Variants in CSMD1 observed in about 807,000 individuals in gnomAD.
The protein encoded by CSMD1 is CUB and sushi domain-containing protein 1.
In CSMD1, 213 loss-of-function variants were observed where a neutral mutation model predicts 417.5. The ratio of observed to expected loss-of-function variants is 0.51; its 90% confidence interval spans 0.46 to 0.57. The LOEUF is 0.57. CSMD1 is among the 20% of genes least tolerant of loss of function. CSMD1 has a pLI of 0.00. For missense variants in CSMD1, 6,923 were observed against 4,529.7 expected, an observed-to-expected ratio of 1.53 and a Z score of -15.17; for synonymous variants, 2,862 against 1,736.8, an observed-to-expected ratio of 1.65 and a Z score of -16.11.
At chr8:3,094,071 T>C (rs879363688) in intron 47 of CSMD1, among the ~76,000 whole-genome samples, 2 of 145,786 alleles carry the variant, frequency 1.4e-5, no homozygotes, top group Non-Finnish European at 3.0e-5. Context: ...AACTCAAGAG[T>C]AGAGTTTTAG....
chr8:4,305,031 G>T (rs979398003), intron 3 of CSMD1, among the ~76,000 whole-genome samples: 2 of 152,224 alleles, frequency 1.3e-5, no homozygotes, highest in African/African-American at 4.8e-5. Flanking sequence ...AGTTCCCCAC[G>T]TTAGAGTCCC....
intron 10 of CSMD1, among the ~76,000 whole-genome samples, chr8:3,494,166 T>A (rs1585249144): frequency 1.3e-5 from 2 of 152,240 alleles, no homozygotes; most frequent in East Asian, 3.9e-4. Context: ...TTATCCATAT[T>A]AGCACCCCAA....
chr8:4,551,386 C>T (rs530071472), intron 2 of CSMD1, among the ~76,000 whole-genome samples: 1 of 152,304 alleles, frequency 6.6e-6, no homozygotes, highest in Non-Finnish European at 1.5e-5. Flanking sequence ...CTTAATTCTC[C>T]TCCCCACCAA....
intron 6 of CSMD1, among the ~76,000 whole-genome samples, chr8:3,742,882 G>A (rs139918044): frequency 2.6e-5 from 4 of 152,354 alleles, no homozygotes; most frequent in African/African-American, 9.6e-5. Flanking sequence ...TGTTATGACT[G>A]CAATGGATAA....
intron 3 of CSMD1, among the ~76,000 whole-genome samples, chr8:4,088,914 C>T (rs1162092766): frequency 1.3e-5 from 2 of 152,086 alleles, no homozygotes; most frequent in Non-Finnish European, 1.5e-5. Context: ...TTATATTCAG[C>T]GAAAAAGCAC....
intron 1 of CSMD1, among the ~76,000 whole-genome samples, chr8:4,972,015 TGAA>T (rs1011567019): frequency 3.7e-4 from 57 of 152,134 alleles, no homozygotes; most frequent in African/African-American, 1.3e-3. Context: ...AGCCAACAAT[TGAA>T]GAAAGTCTTA....
At chr8:4,930,029 A>G (rs1415426883) in intron 1 of CSMD1, among the ~76,000 whole-genome samples, 1 of 152,200 alleles carries the variant, frequency 6.6e-6, no homozygotes, top group African/African-American at 2.4e-5. Flanking sequence ...GAAGAAAGGA[A>G]CAGGGGTGCA....
At chr8:3,516,255 G>A (rs139575217) in intron 10 of CSMD1, among the ~76,000 whole-genome samples, 67 of 152,344 alleles carry the variant, frequency 4.4e-4, no homozygotes, top group African/African-American at 1.5e-3. Flanking sequence ...AGACTCACCA[G>A]CTGTGCATAG....
At chr8:3,292,235 C>CT (rs1311696900) in intron 25 of CSMD1, among the ~76,000 whole-genome samples, 2 of 152,122 alleles carry the variant, frequency 1.3e-5, no homozygotes, top group African/African-American at 4.8e-5. Context: ...CTGAGGAGTG[C>CT]TTTACTTCCA....
At chr8:3,037,330 C>G (rs547145603) in intron 50 of CSMD1, among the ~76,000 whole-genome samples, 2 of 140,082 alleles carry the variant, frequency 1.4e-5, no homozygotes, top group South Asian at 2.2e-4. Flanking sequence ...CTCAGCCTCC[C>G]GAGTAGCTGG....
At chr8:4,860,893 C>T (rs980687506) in intron 1 of CSMD1, among the ~76,000 whole-genome samples, 4 of 152,198 alleles carry the variant, frequency 2.6e-5, no homozygotes, top group Admixed American at 2.6e-4. Context: ...AGAAACCTTC[C>T]TCTGACTCTA....
intron 1 of CSMD1, among the ~76,000 whole-genome samples, chr8:4,926,178 G>T (rs1469811385): frequency 6.6e-6 from 1 of 152,182 alleles, no homozygotes; most frequent in African/African-American, 2.4e-5. Flanking sequence ...AGCCTATCAA[G>T]TCTGAAATAT....
intron 1 of CSMD1, among the ~76,000 whole-genome samples, chr8:4,707,603 A>G (rs1808022436): frequency 1.3e-5 from 2 of 152,092 alleles, no homozygotes; most frequent in Admixed American, 1.3e-4. Context: ...GAGAGGGGAA[A>G]GAGCCAGCCA....
At chr8:4,808,043 T>C (rs908935599) in intron 1 of CSMD1, among the ~76,000 whole-genome samples, 2 of 152,180 alleles carry the variant, frequency 1.3e-5, no homozygotes, top group African/African-American at 4.8e-5. Context: ...GCACATCTGG[T>C]TGACTTTTGT....
chr8:4,392,477 C>T (rs985373169), intron 3 of CSMD1, among the ~76,000 whole-genome samples: 2 of 152,048 alleles, frequency 1.3e-5, no homozygotes, highest in Non-Finnish European at 2.9e-5. Flanking sequence ...TGGCATCAAA[C>T]ACTCCTGAGC....
chr8:3,169,063 G>T (rs568153049), intron 37 of CSMD1, among the ~76,000 whole-genome samples: 2 of 152,076 alleles, frequency 1.3e-5, no homozygotes, highest in African/African-American at 2.4e-5. Context: ...TTTGGTCTAC[G>T]TACCACCCAC....
chr8:3,428,190 T>G (rs2117008643), intron 12 of CSMD1, among the ~76,000 whole-genome samples: 1 of 152,264 alleles, frequency 6.6e-6, no homozygotes, highest in Non-Finnish European at 1.5e-5. Flanking sequence ...GACCTAAAAG[T>G]GATATGTGAG....
intron 7 of CSMD1, among the ~76,000 whole-genome samples, chr8:3,624,207 C>A (rs1277428295): frequency 6.6e-6 from 1 of 152,098 alleles, no homozygotes; most frequent in Admixed American, 6.6e-5. Flanking sequence ...CCCAACCAAA[C>A]ATACACATGG....
intron 19 of CSMD1, 96 bp downstream of exon 19, chr8:3,369,158 T>C (rs1809790919): frequency 4.9e-6 from 3 of 613,836 alleles, no homozygotes; most frequent in Middle Eastern, 2.8e-4. Flanking sequence ...AAAGTAGTTA[T>C]CTCACTTGTT....
Sources: allele counts gnomAD v4.1 joint callset (sites outside exome capture counted in the v4.1 genomes callset), GRCh38; gene constraint gnomAD v4.1.1; transcripts MANE v1.5; gene names NCBI Gene and HGNC (gene_info 2026-07-23, HGNC 2026-07-21).